Variants in FKBP5 observed in about 807,000 individuals in gnomAD.
The protein encoded by FKBP5 is FKBP prolyl isomerase 5, also known as peptidyl-prolyl cis-trans isomerase FKBP5.
Under a neutral mutation model 50.5 loss-of-function variants are expected in FKBP5, and 23 were observed. The ratio of observed to expected loss-of-function variants is 0.46; its 90% confidence interval spans 0.33 to 0.65. The LOEUF is 0.65. Ranked by LOEUF, FKBP5 falls within the 30% of genes least tolerant of loss-of-function variation. The pLI, the probability that FKBP5 is intolerant of heterozygous loss-of-function variation, is 0.02. For missense variants in FKBP5, 411 were observed against 553.1 expected (o/e 0.74, Z 2.58); for synonymous variants, 176 against 190.6 (o/e 0.92, Z 0.63).
At chr6:35,655,498 C>T (rs773393490) in intron 1 of FKBP5, among the ~76,000 whole-genome samples, 10 of 152,076 alleles carry the variant, frequency 6.6e-5, no homozygotes, top group East Asian at 1.9e-4. Flanking sequence ...TTTCTAGGAA[C>T]GAGCCAACAA....
At chr6:35,689,174 G>A (rs1381686582), upstream of FKBP5, among the ~76,000 whole-genome samples, 1 of 152,212 alleles carries the variant, frequency 6.6e-6, no homozygotes, top group Non-Finnish European at 1.5e-5. Context: ...GGGCCATAGA[G>A]AAGGGATGGT....
intron 5 of FKBP5, among the ~76,000 whole-genome samples, chr6:35,600,511 G>C (rs1763114918): frequency 1.3e-5 from 2 of 150,300 alleles, no homozygotes; most frequent in Admixed American, 1.3e-4. Flanking sequence ...TTAAAACTCT[G>C]CCCAAGAAAT....
chr6:35,589,112 ATATATATATATATATAT>A (rs1561846523), intron 7 of FKBP5, among the ~76,000 whole-genome samples: 9 of 121,200 alleles, frequency 7.4e-5, no homozygotes, highest in African/African-American at 2.7e-4. Flanking sequence ...ATATATTTTT[ATATATATATATATATAT>A]TTTTTTTTTT....
intron 8 of FKBP5, chr6:35,583,886 G>A (rs1176157892): frequency 3.0e-6 from 3 of 985,366 alleles, no homozygotes; most frequent in South Asian, 4.7e-5. Context: ...TCTTGGAACA[G>A]CAAGGGTGGT....
At chr6:35,703,250 CAA>C (rs987135404) in intron 2 of FKBP5, among the ~76,000 whole-genome samples, 1 of 137,012 alleles carries the variant, frequency 7.3e-6, no homozygotes, top group African/African-American at 2.7e-5. Context: ...GACTCCATCT[CAA>C]AAAAAAAAAA....
At chr6:35,683,702 C>T (rs906707293) in intron 1 of FKBP5, among the ~76,000 whole-genome samples, 7 of 146,534 alleles carry the variant, frequency 4.8e-5, no homozygotes, top group South Asian at 4.4e-4. Context: ...TGGTCTCCAA[C>T]GCCTGACCTC....
At chr6:35,714,757 C>G (rs1459189600) in intron 2 of FKBP5, among the ~76,000 whole-genome samples, 8 of 145,888 alleles carry the variant, frequency 5.5e-5, no homozygotes, top group Non-Finnish European at 1.0e-4. Context: ...ATGGAGGTTG[C>G]AGTGAGCTAT....
chr6:35,617,889 A>AC (rs1763709828), intron 5 of FKBP5, among the ~76,000 whole-genome samples: 1 of 152,204 alleles, frequency 6.6e-6, no homozygotes, highest in South Asian at 2.1e-4. Flanking sequence ...CCCTACTCCC[A>AC]CTTAGCAAAT....
chr6:35,667,624 T>C (rs1434254310), intron 1 of FKBP5, among the ~76,000 whole-genome samples: 6 of 152,226 alleles, frequency 3.9e-5, no homozygotes, highest in Admixed American at 3.9e-4. Flanking sequence ...CTCATGCCTA[T>C]AATCCCAACA....
chr6:35,670,659 G>C (rs1239734229), intron 1 of FKBP5, among the ~76,000 whole-genome samples: 1 of 151,678 alleles, frequency 6.6e-6, no homozygotes, highest in East Asian at 1.9e-4. Context: ...TTGAACCTGG[G>C]AGGCGGAGGT....
At chr6:35,630,312 G>A (rs1764116849) in intron 3 of FKBP5, among the ~76,000 whole-genome samples, 1 of 152,130 alleles carries the variant, frequency 6.6e-6, no homozygotes, top group Admixed American at 6.6e-5. Context: ...CACTTTGGGG[G>A]CCAAGGCAGG....
intron 1 of FKBP5, among the ~76,000 whole-genome samples, chr6:35,665,357 G>A (rs1234423684): frequency 1.4e-5 from 2 of 140,978 alleles, no homozygotes; most frequent in African/African-American, 3.1e-5. Context: ...GCGCGATCTC[G>A]GCTCACTGCA....
upstream of FKBP5, among the ~76,000 whole-genome samples, chr6:35,690,954 C>T (rs887668381): frequency 6.6e-6 from 1 of 151,468 alleles, no homozygotes; most frequent in Non-Finnish European, 1.5e-5. Context: ...TGCAGTGAGC[C>T]GAGATGGCAC....
At chr6:35,691,227 T>C (rs1765982000), upstream of FKBP5, among the ~76,000 whole-genome samples, 2 of 152,106 alleles carry the variant, frequency 1.3e-5, no homozygotes, top group South Asian at 2.1e-4. Context: ...GAATCAGCTC[T>C]TCCTACGAGA....
chr6:35,620,426 A>G, intron 3 of FKBP5, 152 bp from the exon 4 acceptor site: 1 of 747,404 alleles, frequency 1.3e-6, no homozygotes, highest in Non-Finnish European at 2.1e-6. Flanking sequence ...CATACAAATA[A>G]ATAAATTATT....
At chr6:35,638,089 G>C (rs989922453) in intron 2 of FKBP5, among the ~76,000 whole-genome samples, 1 of 152,142 alleles carries the variant, frequency 6.6e-6, no homozygotes, top group Non-Finnish European at 1.5e-5. Flanking sequence ...GTAAAATCCA[G>C]TGTATTTATT....
chr6:35,688,448 C>A (rs896328224), intron 1 of FKBP5, among the ~76,000 whole-genome samples: 6 of 151,980 alleles, frequency 3.9e-5, no homozygotes, highest in Non-Finnish European at 7.4e-5. Context: ...GGGCGGGAAA[C>A]AAAAGCCCAG....
chr6:35,669,966 C>T (rs1289769778), intron 1 of FKBP5, among the ~76,000 whole-genome samples: 4 of 152,170 alleles, frequency 2.6e-5, no homozygotes, highest in Admixed American at 1.3e-4. Flanking sequence ...AAGATTTCTT[C>T]CCATTCCCCC....
At chr6:35,687,498 C>T (rs1213333144) in intron 1 of FKBP5, among the ~76,000 whole-genome samples, 1 of 152,046 alleles carries the variant, frequency 6.6e-6, no homozygotes, top group Non-Finnish European at 1.5e-5. Flanking sequence ...AAAGTAAAAA[C>T]CCTTATGGAG....
Sources: allele counts gnomAD v4.1 joint callset (sites outside exome capture counted in the v4.1 genomes callset), GRCh38; gene constraint gnomAD v4.1.1; transcripts MANE v1.5; gene names NCBI Gene and HGNC (gene_info 2026-07-23, HGNC 2026-07-21).